ZNF33A: variants seen among roughly 807,000 people sequenced by gnomAD.
ZNF33A encodes the protein zinc finger protein 33A.
Under a neutral mutation model 15.9 loss-of-function variants are expected in ZNF33A, and 9 were observed. The ratio of observed to expected loss-of-function variants is 0.57; its 90% confidence interval spans 0.34 to 0.99. The LOEUF is 0.99. Ranked by LOEUF, ZNF33A falls within the 50% of genes least tolerant of loss-of-function variation. ZNF33A has a pLI of 0.02. For synonymous variants in ZNF33A, 294 were observed against 324.2 expected (o/e 0.91, Z 1.00); for missense variants, 843 against 941.6 (o/e 0.90, Z 1.37).
At chr10:38,037,443 C>T (rs377412911) in intron 4 of ZNF33A, among the ~76,000 whole-genome samples, 4 of 152,120 alleles carry the variant, frequency 2.6e-5, no homozygotes, top group African/African-American at 9.6e-5. Flanking sequence ...CCTGCCTCAG[C>T]CTCCTGAGTA....
Position 38,010,721 on chromosome 10 carries a change from G to A in ZNF33A, c.-107G>A. ...TTTCTCAGGTTTTGCGTGGGAGGCG[G>A]TCCCGGGATTTCAAGGGTCTACGCG... On this transcript the variant is annotated 5_prime_UTR_variant, in exon 1 of 5. Coordinates refer to ENST00000432900, the MANE Select transcript of ZNF33A (RefSeq NM_006954.2). The A allele has an allele frequency of 6.3e-7, 1 of 1,598,388 alleles. No individual in the cohort carries two copies. Among genetic ancestry groups the A allele is most frequent in the Non-Finnish European group, 8.5e-7 (1 of 1,179,792 alleles).
At chr10:38,047,151 C>T (rs2135723137) in intron 4 of ZNF33A, among the ~76,000 whole-genome samples, 1 of 128,278 alleles carries the variant, frequency 7.8e-6, no homozygotes, top group African/African-American at 3.1e-5. Flanking sequence ...TGCACTGCAG[C>T]CTGGGTGATG....
chr10:38,033,328 T>C (rs757965556), intron 4 of ZNF33A, among the ~76,000 whole-genome samples: 6 of 152,222 alleles, frequency 3.9e-5, no homozygotes, highest in African/African-American at 1.4e-4. Context: ...TGTATAGATA[T>C]ACTACATTTT....
chr10:38,028,450 GTCT>G (rs2065072669), intron 4 of ZNF33A, among the ~76,000 whole-genome samples: 2 of 150,526 alleles, frequency 1.3e-5, no homozygotes. Flanking sequence ...TTTTATTACT[GTCT>G]TCTTTGTGTT....
In ZNF33A at chr10:38,055,520, G is replaced by A; in HGVS notation, c.1396G>A (p.Glu466Lys). The change falls in exon 5 of 5, where the codon GAG becomes AAG. Residue 466 changes from glutamate (E) to lysine (K), a missense_variant. Coordinates refer to ENST00000432900, the MANE Select transcript of ZNF33A (RefSeq NM_006954.2). ...AGTACACCAGAGAACTCACACAGGT[G>A]AGAAACCTTTTGAATGTCTTGAGTG... Reference protein sequence around the residue: ...LKVHQRTHTGEKPFECLECGK... With the variant: ...LKVHQRTHTGKKPFECLECGK... 1 of 1,614,092 alleles carries A rather than the reference G, an allele frequency of 6.2e-7. No individual in the cohort carries two copies. Among genetic ancestry groups the A allele is most frequent in the Non-Finnish European group, 8.5e-7 (1 of 1,180,012 alleles).
chr10:38,035,713 T>C (rs989063376), intron 4 of ZNF33A, among the ~76,000 whole-genome samples: 4 of 152,124 alleles, frequency 2.6e-5, no homozygotes, highest in African/African-American at 9.7e-5. Flanking sequence ...ATGACTTCGG[T>C]GCAATGGGTA....
intron 4 of ZNF33A, among the ~76,000 whole-genome samples, chr10:38,029,762 G>T (rs1404491484): frequency 6.6e-6 from 1 of 152,130 alleles, no homozygotes; most frequent in Non-Finnish European, 1.5e-5. Context: ...ATTTAAGTTG[G>T]CAGAAACGGG....
chr10:38,057,241 G>C lies in ZNF33A; in HGVS notation c.*681G>C. 1.0e-6 allele frequency: 1 copy of C among 984,990 alleles called. No homozygotes were observed. Among genetic ancestry groups the C allele is most frequent in the South Asian group, 4.7e-5 (1 of 21,284 alleles). 61.0% of individuals were successfully genotyped at this position (984,990 alleles called of 1,614,324 possible). On this transcript the variant is annotated 3_prime_UTR_variant, in exon 5 of 5. Coordinates refer to ENST00000432900, the MANE Select transcript of ZNF33A (RefSeq NM_006954.2). Reference sequence around the variant, plus strand: ...GGAATCTGAGATCTGTACTGTATCAGGATTACAAAGGATTTAGCCTCAAGT... The same window carrying C: ...GGAATCTGAGATCTGTACTGTATCACGATTACAAAGGATTTAGCCTCAAGT...
At chr10:38,036,497 A>G (rs1195670872) in intron 4 of ZNF33A, among the ~76,000 whole-genome samples, 1 of 152,124 alleles carries the variant, frequency 6.6e-6, no homozygotes, top group Non-Finnish European at 1.5e-5. Flanking sequence ...GCAGAAGAAA[A>G]CCATATCATG....
At chr10:38,040,904 A>G (rs1455156358) in intron 4 of ZNF33A, among the ~76,000 whole-genome samples, 1 of 152,110 alleles carries the variant, frequency 6.6e-6, no homozygotes, top group Non-Finnish European at 1.5e-5. Flanking sequence ...CAGAGGTTCA[A>G]CTTAGTATTT....
chr10:38,030,610 AC>A (rs2065172255), intron 4 of ZNF33A, among the ~76,000 whole-genome samples: 1 of 152,176 alleles, frequency 6.6e-6, no homozygotes. Flanking sequence ...AGTTATAGAG[AC>A]AGGTTTCTAG....
At chr10:38,049,490 G>A (rs2066100461) in intron 4 of ZNF33A, among the ~76,000 whole-genome samples, 1 of 152,060 alleles carries the variant, frequency 6.6e-6, no homozygotes, top group African/African-American at 2.4e-5. Flanking sequence ...TCTACCATAT[G>A]TAAATGCATA....
At chr10:38,066,443 G>A (rs1324199301), downstream of ZNF33A, among the ~76,000 whole-genome samples, 1 of 151,866 alleles carries the variant, frequency 6.6e-6, no homozygotes, top group Non-Finnish European at 1.5e-5. Context: ...TAGTAGAGAT[G>A]TGGCCTCACC....
At position 38,055,668 on chromosome 10, in the gene ZNF33A, A is replaced by C. The variant is rs1179030681; in HGVS notation, c.1544A>C (p.His515Pro). The change falls in exon 5 of 5, where the codon CAT becomes CCT. Residue 515 changes from histidine to proline, a missense_variant. Physicochemically the swap from His to Pro is moderately conservative, Grantham distance 77 (BLOSUM62 -2). Coordinates refer to ENST00000432900, the MANE Select transcript of ZNF33A (RefSeq NM_006954.2). ...TFYHKSLLTR[H>P]QIIHTGWKPY... Reference sequence around the variant, plus strand: ...TACCACAAGTCATTACTCACCAGGCATCAGATAATTCATACAGGGTGGAAA... The same window carrying C: ...TACCACAAGTCATTACTCACCAGGCCTCAGATAATTCATACAGGGTGGAAA... The C allele has an allele frequency of 6.2e-7, 1 of 1,614,072 alleles. No homozygotes were observed. Among genetic ancestry groups the C allele is most frequent in the Non-Finnish European group, 8.5e-7 (1 of 1,179,990 alleles).
chr10:38,018,614 A>C (rs1433954142), intron 4 of ZNF33A, among the ~76,000 whole-genome samples: 3 of 152,222 alleles, frequency 2.0e-5, no homozygotes, highest in Non-Finnish European at 4.4e-5. Context: ...GGCATGGCAT[A>C]GGGCATAGAG....
At chr10:38,010,613 G>A, upstream of ZNF33A, 3 of 1,215,796 alleles carry the variant, frequency 2.5e-6, no homozygotes, top group Non-Finnish European at 3.6e-6. Flanking sequence ...CAGGTAGGGC[G>A]CCAACAGCAT....
At chr10:38,067,644 C>G (rs962222849), downstream of ZNF33A, among the ~76,000 whole-genome samples, 1 of 152,066 alleles carries the variant, frequency 6.6e-6, no homozygotes, top group Non-Finnish European at 1.5e-5. Flanking sequence ...GATACACACT[C>G]CATGATTAAC....
At chr10:38,050,092 T>A (rs1285721303) in intron 4 of ZNF33A, among the ~76,000 whole-genome samples, 1 of 152,174 alleles carries the variant, frequency 6.6e-6, no homozygotes, top group Non-Finnish European at 1.5e-5. Flanking sequence ...CAATTAATAG[T>A]ACCACTTCTA....
chr10:38,055,540 T>G lies in ZNF33A; in HGVS notation c.1416T>G (p.Leu472=). 1 of 1,614,090 alleles carries G rather than the reference T, an allele frequency of 6.2e-7. No homozygotes were observed. The highest frequency in any genetic ancestry group is 1.6e-4 in the Middle Eastern group (1 of 6,062). ...CAGGTGAGAAACCTTTTGAATGTCTTGAGTGTGGGAAATCCTTTAGTGAAA... is the reference window on the plus strand; with the variant it reads ...CAGGTGAGAAACCTTTTGAATGTCTGGAGTGTGGGAAATCCTTTAGTGAAA... ...THTGEKPFEC[L]ECGKSFSEKS... The change falls in exon 5 of 5, where the codon CTT becomes CTG. Residue 472 remains leucine (L), a synonymous_variant. Transcript: ENST00000432900.
Sources: gnomAD v4.1 joint callset for allele counts (sites outside exome capture counted in the v4.1 genomes callset) on GRCh38, gnomAD v4.1.1 for gene constraint, MANE v1.5 for transcripts, NCBI Gene and HGNC (gene_info 2026-07-23, HGNC 2026-07-21) for gene names.